Variants in B3GALT1 observed in about 807,000 individuals in gnomAD.
B3GALT1 encodes the protein beta-1,3-galactosyltransferase 1, also known as UDP-Gal:betaGlcNAc beta 1,3-galactosyltransferase, polypeptide 1.
B3GALT1 carries 10 observed loss-of-function variants against 23.2 expected under a neutral mutation model. The ratio of observed to expected loss-of-function variants is 0.43; its 90% CI spans 0.27 to 0.73. The LOEUF is 0.73. Ranked by LOEUF, B3GALT1 falls within the 30% of genes least tolerant of loss-of-function variation. The probability of loss-of-function intolerance (pLI) is 0.21; values close to 1 mark genes in which losing one functional copy is unlikely to be tolerated. For missense variants in B3GALT1, 299 were observed against 405.4 expected (o/e 0.74, Z 2.25); for synonymous variants, 156 against 141.5 (o/e 1.10, Z -0.73).
chr2:167,716,065 T>G (rs1393378900), intron 3 of B3GALT1: 2 of 1,578,964 alleles, frequency 1.3e-6, no homozygotes, highest in African/African-American at 2.7e-5. Context: ...GGCTCCTCCA[T>G]AGCGCCAAGC....
chr2:167,717,615 C>T (rs957884162), intron 3 of B3GALT1, among the ~76,000 whole-genome samples: 2 of 151,972 alleles, frequency 1.3e-5, no homozygotes, highest in Non-Finnish European at 2.9e-5. Flanking sequence ...AGTTTATTCA[C>T]TATTATTTGA....
chr2:167,663,083 A>G (rs892921767), intron 3 of B3GALT1, among the ~76,000 whole-genome samples: 6 of 149,020 alleles, frequency 4.0e-5, no homozygotes, highest in African/African-American at 1.2e-4. Flanking sequence ...AGCATTACGT[A>G]TATCTCCCAA....
chr2:167,560,863 T>G (rs1683969823), intron 2 of B3GALT1, among the ~76,000 whole-genome samples: 1 of 151,928 alleles, frequency 6.6e-6, no homozygotes, highest in Non-Finnish European at 1.5e-5. Flanking sequence ...AATGGGAGAC[T>G]TTAACACCCC....
intron 3 of B3GALT1, among the ~76,000 whole-genome samples, chr2:167,735,251 G>C (rs1687474059): frequency 6.6e-6 from 1 of 152,262 alleles, no homozygotes; most frequent in East Asian, 1.9e-4. Flanking sequence ...AGAGCCCCTG[G>C]TTATATCAAA....
chr2:167,395,576 T>C (rs1312736587), intron 1 of B3GALT1, among the ~76,000 whole-genome samples: 1 of 152,116 alleles, frequency 6.6e-6, no homozygotes, highest in East Asian at 1.9e-4. Flanking sequence ...ATTTCAGACA[T>C]CTGACTTCCA....
At chr2:167,820,778 A>G (rs1689089061) in intron 4 of B3GALT1, among the ~76,000 whole-genome samples, 1 of 152,266 alleles carries the variant, frequency 6.6e-6, no homozygotes, top group Non-Finnish European at 1.5e-5. Context: ...GATTTGTAAA[A>G]TTGAAAGATA....
chr2:167,410,490 CAAAAAAAA>C (rs61261864), intron 1 of B3GALT1, among the ~76,000 whole-genome samples: 4 of 111,754 alleles, frequency 3.6e-5, no homozygotes, highest in Non-Finnish European at 1.9e-5. Flanking sequence ...GACTCCATCT[CAAAAAAAA>C]AAAAAAAAAA....
chr2:167,580,982 A>C (rs1684474988), intron 2 of B3GALT1, among the ~76,000 whole-genome samples: 1 of 152,186 alleles, frequency 6.6e-6, no homozygotes, highest in African/African-American at 2.4e-5. Context: ...ATGGCCTCTT[A>C]AGTCTTTTGT....
At chr2:167,468,246 G>A (rs1350338924) in intron 1 of B3GALT1, among the ~76,000 whole-genome samples, 1 of 152,080 alleles carries the variant, frequency 6.6e-6, no homozygotes, top group Non-Finnish European at 1.5e-5. Flanking sequence ...TTGAGAGTGG[G>A]CTATAAAATG....
intron 2 of B3GALT1, among the ~76,000 whole-genome samples, chr2:167,497,926 A>C (rs1277466234): frequency 6.6e-6 from 1 of 151,988 alleles, no homozygotes; most frequent in African/African-American, 2.4e-5. Flanking sequence ...GGAGTATATG[A>C]GTTTTCAACT....
intron 2 of B3GALT1, among the ~76,000 whole-genome samples, chr2:167,604,578 C>T (rs1293180123): frequency 6.6e-6 from 1 of 152,256 alleles, no homozygotes; most frequent in Non-Finnish European, 1.5e-5. Context: ...AACAATGCTT[C>T]AGGGCAGAGA....
intron 2 of B3GALT1, among the ~76,000 whole-genome samples, chr2:167,548,675 C>T (rs970096292): frequency 1.0e-5 from 1 of 99,844 alleles, no homozygotes; most frequent in Non-Finnish European, 2.0e-5. Context: ...CCTGTCCAGA[C>T]GTGTGTGTGA....
intron 2 of B3GALT1, among the ~76,000 whole-genome samples, chr2:167,512,256 A>G (rs571760791): frequency 2.1e-3 from 318 of 151,970 alleles, no homozygotes; most frequent in African/African-American, 7.3e-3. Context: ...GAAATTCTTT[A>G]TCAGTTATAG....
At chr2:167,673,326 T>C (rs1005221872) in intron 3 of B3GALT1, among the ~76,000 whole-genome samples, 1 of 151,940 alleles carries the variant, frequency 6.6e-6, no homozygotes, top group Non-Finnish European at 1.5e-5. Context: ...GAATAAAAAA[T>C]TGAAAGATAG....
intron 2 of B3GALT1, among the ~76,000 whole-genome samples, chr2:167,598,103 A>G (rs994464883): frequency 6.6e-6 from 1 of 152,224 alleles, no homozygotes; most frequent in Non-Finnish European, 1.5e-5. Context: ...TGTTTGTTGA[A>G]CTAAAGAATT....
intron 2 of B3GALT1, among the ~76,000 whole-genome samples, chr2:167,602,217 G>T (rs190525420): frequency 2.9e-4 from 44 of 152,296 alleles, no homozygotes; most frequent in African/African-American, 1.0e-3. Flanking sequence ...GCATGAAGCT[G>T]CTGAGTGAAA....
intron 3 of B3GALT1, chr2:167,714,447 A>G (rs1236378894): frequency 4.4e-6 from 7 of 1,588,200 alleles, no homozygotes; most frequent in Non-Finnish European, 6.1e-6. Flanking sequence ...TCCTCCAACA[A>G]AGTTTGAGGA....
rs78625292 is a variant in B3GALT1 at position 167,414,065 on chromosome 2, A to G, written c.-510-76112A>G. 4.6e-3 allele frequency among the ~76,000 whole-genome samples: 705 copies of G among 152,276 alleles called. 8 individuals carry two copies. The highest frequency in any genetic ancestry group is 0.04 in the South Asian group (194 of 4,832). ...CCATAACAAAAGACAGATTAAAAAG[A>G]CAAAAGTATACAGATTTATTTAATG... On this transcript the variant is annotated intron_variant, in intron 1 of 4. Coordinates refer to ENST00000392690, the MANE Select transcript of B3GALT1 (RefSeq NM_020981.4).
At chr2:167,731,494 A>C (rs1415947471) in intron 3 of B3GALT1, among the ~76,000 whole-genome samples, 2 of 152,202 alleles carry the variant, frequency 1.3e-5, no homozygotes, top group African/African-American at 4.8e-5. Flanking sequence ...AATCAGGATT[A>C]GTCACTTTGA....
Sources: allele counts gnomAD v4.1 joint callset (sites outside exome capture counted in the v4.1 genomes callset), GRCh38; gene constraint gnomAD v4.1.1; transcripts MANE v1.5; gene names NCBI Gene and HGNC (gene_info 2026-07-23, HGNC 2026-07-21).